The following DTD1 variants were observed in gnomAD, a reference collection of about 807,000 sequenced individuals.
The protein encoded by DTD1 is D-aminoacyl-tRNA deacylase 1.
Under a neutral mutation model 25.6 loss-of-function variants are expected in DTD1, and 13 were observed. The observed-to-expected ratio is 0.51, with a 90% CI of 0.33 to 0.81. The LOEUF (loss-of-function observed/expected upper bound fraction) is 0.81, where lower values mean the gene tolerates loss of function less well. Ranked by LOEUF, DTD1 falls within the 30% of genes least tolerant of loss-of-function variation. The pLI, the probability that DTD1 is intolerant of heterozygous loss-of-function variation, is 0.02. For missense variants in DTD1, 193 were observed against 266.4 expected, an observed-to-expected ratio of 0.72 and a Z score of 1.92; for synonymous variants, 110 against 103.6, an observed-to-expected ratio of 1.06 and a Z score of -0.37.
At chr20:18,682,787 G>A (rs1312907220) in intron 4 of DTD1, among the ~76,000 whole-genome samples, 3 of 152,318 alleles carry the variant, frequency 2.0e-5, no homozygotes, top group African/African-American at 7.2e-5. Flanking sequence ...TTCTGTCCTG[G>A]AAGAAGGTTC....
intron 4 of DTD1, among the ~76,000 whole-genome samples, chr20:18,641,466 C>T (rs1319517957): frequency 6.6e-6 from 1 of 152,076 alleles, no homozygotes; most frequent in Admixed American, 6.6e-5. Context: ...CGGCAATGCT[C>T]AAGGGTTCTG....
intron 4 of DTD1, among the ~76,000 whole-genome samples, chr20:18,729,311 T>G (rs553942856): frequency 6.6e-6 from 1 of 152,354 alleles, no homozygotes; most frequent in African/African-American, 2.4e-5. Flanking sequence ...TCATGACAGT[T>G]TTGTCGTGGT....
chr20:18,683,276 T>C (rs1324556747), intron 4 of DTD1, among the ~76,000 whole-genome samples: 1 of 152,216 alleles, frequency 6.6e-6, no homozygotes, highest in Admixed American at 6.5e-5. Context: ...AGTAGCTCCT[T>C]GAGTTCCTCT....
chr20:18,614,348 TG>T (rs1194021742), intron 3 of DTD1, among the ~76,000 whole-genome samples: 4 of 152,098 alleles, frequency 2.6e-5, no homozygotes, highest in Non-Finnish European at 4.4e-5. Flanking sequence ...CTGAATGCAT[TG>T]TGTAAAAATG....
At chr20:18,628,731 G>A (rs373835006) in intron 4 of DTD1, among the ~76,000 whole-genome samples, 2 of 152,224 alleles carry the variant, frequency 1.3e-5, no homozygotes, top group African/African-American at 4.8e-5. Context: ...AATTAAAATA[G>A]AGAAAGGAAA....
intron 4 of DTD1, among the ~76,000 whole-genome samples, chr20:18,652,022 A>G (rs1030332413): frequency 6.6e-6 from 1 of 152,224 alleles, no homozygotes; most frequent in Non-Finnish European, 1.5e-5. Flanking sequence ...CAAGCAGGCC[A>G]GCAGGCTTCC....
intron 4 of DTD1, among the ~76,000 whole-genome samples, chr20:18,676,350 A>G (rs2060974738): frequency 6.6e-6 from 1 of 152,216 alleles, no homozygotes. Context: ...GAATAAAAAA[A>G]ATGAGGTGAT....
rs181843238 is a variant in DTD1, at chr20:18,609,049, A to G, written c.370+12808A>G. Among the ~76,000 whole-genome samples the G allele has an allele frequency of 2.4e-3, 362 of 152,164 alleles. 1 individual carries two copies. Among genetic ancestry groups the G allele is most frequent in the African/African-American group, 8.2e-3 (341 of 41,518 alleles). On this transcript the variant is annotated intron_variant, in intron 3 of 5. Coordinates refer to ENST00000377452, the MANE Select transcript of DTD1 (RefSeq NM_080820.6). ...AAAACATAGCCTCCTTTGTTAATGC[A>G]TTTCATTTTGAGCCCTTCCTAAGTA...
At chr20:18,649,768 G>A (rs2060866586) in intron 4 of DTD1, among the ~76,000 whole-genome samples, 1 of 152,122 alleles carries the variant, frequency 6.6e-6, no homozygotes, top group Non-Finnish European at 1.5e-5. Context: ...CATGCGTTGT[G>A]GGCCCACCCA....
chr20:18,745,506 G>A (rs2061296578), intron 5 of DTD1, among the ~76,000 whole-genome samples: 1 of 152,222 alleles, frequency 6.6e-6, no homozygotes, highest in South Asian at 2.1e-4. Context: ...GTGTGGGGTG[G>A]AGATGGGAGG....
chr20:18,699,273 G>C (rs535736278), intron 4 of DTD1, among the ~76,000 whole-genome samples: 52 of 152,268 alleles, frequency 3.4e-4, no homozygotes, highest in African/African-American at 1.3e-3. Flanking sequence ...CTGAGGCAGC[G>C]GTGTTCTTTT....
chr20:18,711,162 T>C (rs2061157029), intron 4 of DTD1, among the ~76,000 whole-genome samples: 1 of 152,118 alleles, frequency 6.6e-6, no homozygotes, highest in Non-Finnish European at 1.5e-5. Context: ...AGCGCAGGTG[T>C]TGTAAGCACT....
intron 4 of DTD1, among the ~76,000 whole-genome samples, chr20:18,650,420 C>T (rs1379580529): frequency 6.6e-6 from 1 of 152,132 alleles, no homozygotes; most frequent in Non-Finnish European, 1.5e-5. Flanking sequence ...TCCTCCCTGC[C>T]CACATCCTGG....
chr20:18,675,922 T>A (rs1480774464), intron 4 of DTD1, among the ~76,000 whole-genome samples: 1 of 144,040 alleles, frequency 6.9e-6, no homozygotes, highest in Non-Finnish European at 1.5e-5. Context: ...ATAACCTAAG[T>A]TTTTTATTCC....
intron 4 of DTD1, among the ~76,000 whole-genome samples, chr20:18,666,710 CAG>C (rs1355938301): frequency 2.6e-5 from 4 of 152,172 alleles, no homozygotes; most frequent in Non-Finnish European, 5.9e-5. Flanking sequence ...CATCCTTCAG[CAG>C]AGTTTGATAT....
intron 4 of DTD1, chr20:18,630,334 C>A (rs1016951530): frequency 1.3e-5 from 2 of 151,834 alleles, no homozygotes; most frequent in African/African-American, 4.8e-5. Context: ...TATTACAAAC[C>A]TTATTTGAAG....
intron 4 of DTD1, among the ~76,000 whole-genome samples, chr20:18,722,772 G>A (rs898996338): frequency 6.6e-6 from 1 of 152,204 alleles, no homozygotes; most frequent in Non-Finnish European, 1.5e-5. Context: ...GCTGTCTTCG[G>A]TGTAGAAGTG....
At chr20:18,596,940 A>G (rs945793574) in intron 3 of DTD1, among the ~76,000 whole-genome samples, 10 of 152,192 alleles carry the variant, frequency 6.6e-5, no homozygotes, top group African/African-American at 2.2e-4. Context: ...TTCATGGCAC[A>G]TCATTATCAC....
chr20:18,594,264 A>G (rs2122241767), intron 2 of DTD1, among the ~76,000 whole-genome samples: 1 of 152,266 alleles, frequency 6.6e-6, no homozygotes, highest in East Asian at 1.9e-4. Flanking sequence ...CTTAGCAAAA[A>G]GCCTGAACCC....
Sources: gnomAD v4.1 joint callset for allele counts (sites outside exome capture counted in the v4.1 genomes callset) on GRCh38, gnomAD v4.1.1 for gene constraint, MANE v1.5 for transcripts, NCBI Gene and HGNC (gene_info 2026-07-23, HGNC 2026-07-21) for gene names.